Variants in ACADS observed in about 807,000 individuals in gnomAD.
ACADS encodes acyl-CoA dehydrogenase short chain, also known as short-chain specific acyl-CoA dehydrogenase, mitochondrial.
A neutral mutation model predicts 46.8 loss-of-function variants in ACADS; 28 were observed. That is an observed-to-expected ratio of 0.60 (90% CI 0.44 to 0.82). ACADS has a LOEUF of 0.82. Among genes scored for constraint, ACADS ranks in the 40% least tolerant of loss-of-function variants. ACADS has a pLI of 0.00. For missense variants in ACADS, 528 were observed against 578.0 expected (o/e 0.91, Z 0.89); for synonymous variants, 236 against 237.7 (o/e 0.99, Z 0.07).
chr12:120,735,525 CTT>C (rs1883406176), intron 2 of ACADS, among the ~76,000 whole-genome samples: 1 of 151,810 alleles, frequency 6.6e-6, no homozygotes, highest in African/African-American at 2.4e-5. Context: ...GAAGGTAAAA[CTT>C]TTATATTCAC....
rs1883552059 is a variant in ACADS at position 120,738,854 on chromosome 12, G to A, written c.968G>A (p.Ser323Asn). The A allele has an allele frequency of 1.2e-6, 2 of 1,613,590 alleles. No individual in the cohort carries two copies. The highest frequency in any genetic ancestry group is 1.7e-6 in the Non-Finnish European group (2 of 1,179,812). Reference sequence around the variant, plus strand: ...GCAGACATGGCCCTGGCCCTGGAGAGTGCCCGGCTGCTGACCTGGCGCGCT... The same window carrying A: ...GCAGACATGGCCCTGGCCCTGGAGAATGCCCGGCTGCTGACCTGGCGCGCT... ...KLADMALALESARLLTWRAAM... is the reference protein window; with the variant it reads ...KLADMALALENARLLTWRAAM... Residue 323 changes from serine (S) to asparagine (N), a missense_variant, in exon 8 of 10, where the codon AGT becomes AAT. Transcript: ENST00000242592.
In ACADS at chr12:120,739,537, C is replaced by CG; in HGVS notation, c.*94dup. On this transcript the variant is annotated 3_prime_UTR_variant, in exon 10 of 10. Coordinates refer to ENST00000242592, the MANE Select transcript of ACADS (RefSeq NM_000017.4). Reference sequence around the variant, plus strand: ...CCGGCTCAGAGACTGGGCGGCCCGGCGGGGGCTCCCTGGGGACCCCAGATG... The same window carrying CG: ...CCGGCTCAGAGACTGGGCGGCCCGGCGGGGGGCTCCCTGGGGACCCCAGATG... 1.3e-6 allele frequency: 2 copies of CG among 1,509,526 alleles called. No homozygotes were observed. Among genetic ancestry groups the CG allele is most frequent in the South Asian group, 2.4e-5 (2 of 83,576 alleles). The allele number at this position is 1,509,526 out of a possible 1,614,324, so 93.5% of individuals were successfully genotyped here. A position where few individuals can be genotyped will look rare whatever the true frequency, so the allele number is the denominator to read the frequency against.
chr12:120,733,666 T>A (rs116181583), intron 2 of ACADS, among the ~76,000 whole-genome samples: 51 of 152,030 alleles, frequency 3.4e-4, no homozygotes, highest in African/African-American at 1.2e-3. Flanking sequence ...CAGAACAATC[T>A]TCTTTTTAGT....
In ACADS at chr12:120,738,389, A is replaced by C. The variant is rs999096493; in HGVS notation, c.734A>C (p.Asp245Ala). The change falls in exon 6 of 10, where the codon GAC becomes GCC. Residue 245 changes from aspartate to alanine, a missense_variant. Coordinates refer to ENST00000242592, the MANE Select transcript of ACADS (RefSeq NM_000017.4). ...GSSTANLIFE[D>A]CRIPKDSILG... ...TCCACGGCCAACCTCATCTTTGAGG[A>C]CTGTCGCATCCCCAAGGACAGCATC... 6.2e-7 allele frequency: 1 copy of C among 1,613,884 alleles called. No individual in the cohort carries two copies. Among genetic ancestry groups the C allele is most frequent in the African/African-American group, 1.3e-5 (1 of 75,040 alleles).
In ACADS at chr12:120,738,459, G is replaced by A. The variant is rs370703070; in HGVS notation, c.795+9G>A. ...GCTTCAAGATAGCCATGGTGAGCCC[G>A]GCAGTGGGGGTGGCACCTTGAGGCC... On this transcript the variant is annotated intron_variant, in intron 6 of 9. Coordinates refer to ENST00000242592, the MANE Select transcript of ACADS (RefSeq NM_000017.4). 5.5e-5 allele frequency: 89 copies of A among 1,607,964 alleles called. No homozygotes were observed. In the African/African-American group the frequency reaches 8.0e-4, roughly 14 times the overall value.
intron 2 of ACADS, among the ~76,000 whole-genome samples, chr12:120,733,208 C>T (rs796465561): frequency 1.3e-4 from 14 of 107,506 alleles, no homozygotes; most frequent in Non-Finnish European, 1.6e-4. Flanking sequence ...AGAGGGAGAC[C>T]GTGGAAAGAG....
At position 120,737,028 on chromosome 12, in the gene ACADS, C is replaced by T. The variant is rs1449345977; in HGVS notation, c.253C>T (p.Pro85Ser). 6.2e-7 allele frequency: 1 copy of T among 1,610,736 alleles called. No homozygotes were observed. ...GGLGLLAMDV[P>S]EELGGAGLDY... ...GCTTGGGCTTCTGGCCATGGACGTG[C>T]CCGAGGAGCTTGGCGGTGCTGGCCT... The change falls in exon 3 of 10, where the codon CCC (proline) becomes TCC (serine). Residue 85 changes from proline to serine, a missense_variant. Pro to Ser is a moderately conservative substitution (Grantham distance 74, BLOSUM62 -1). Transcript: ENST00000242592.
At chr12:120,737,577 C>A in intron 4 of ACADS, 110 bp downstream of exon 4, 1 of 1,175,600 alleles carries the variant, frequency 8.5e-7, no homozygotes, top group African/African-American at 1.5e-5. Context: ...GGAGGCTCCC[C>A]GTGTGGTTGG....
chr12:120,726,071 C>T, intron 1 of ACADS, 140 bp downstream of exon 1: 1 of 890,888 alleles, frequency 1.1e-6, no homozygotes, highest in African/African-American at 1.8e-5. Context: ...TGCCCCAGTT[C>T]TGCTGCTCCT....
At position 120,738,430 on chromosome 12, in the gene ACADS, A is replaced by G. The variant is rs752079325; in HGVS notation, c.775A>G (p.Met259Val). The G allele has an allele frequency of 5.6e-6, 9 of 1,611,634 alleles. No individual in the cohort carries two copies. The African/African-American group carries it at 1.2e-4, about 22-fold the overall frequency. Residue 259 changes from methionine (M) to valine (V), a missense_variant, in exon 6 of 10, where the codon ATG becomes GTG. By Grantham distance (21) the Met-to-Val change is conservative. Coordinates refer to ENST00000242592, the MANE Select transcript of ACADS (RefSeq NM_000017.4). ...PKDSILGEPG[M>V]GFKIAMQTLD... is the part of the protein sequence containing the mutation. Reference sequence around the variant, plus strand: ...GGACAGCATCCTGGGGGAGCCAGGGATGGGCTTCAAGATAGCCATGGTGAG... The same window carrying G: ...GGACAGCATCCTGGGGGAGCCAGGGGTGGGCTTCAAGATAGCCATGGTGAG...
chr12:120,733,090 C>T lies in ACADS; in HGVS notation c.211-3896C>T, dbSNP rs565419895. On this transcript the variant is annotated intron_variant, in intron 2 of 9. Transcript: ENST00000242592. ...TACGAAAACCAGTCAGGCGTGGCGG[C>T]GCGCGCCTGCAATCGCAGGCACTCG... 1.9e-3 allele frequency among the ~76,000 whole-genome samples: 295 copies of T among 152,298 alleles called. 1 individual carries two copies. The highest frequency in any genetic ancestry group is 6.7e-3 in the African/African-American group (279 of 41,574).
Position 120,731,403 on chromosome 12 carries a change from C to G in ACADS, c.210+4214C>G, listed in dbSNP as rs566681080. Among the ~76,000 whole-genome samples the G allele has an allele frequency of 2.6e-5, 4 of 151,814 alleles. No homozygotes were observed. In the East Asian group the frequency reaches 7.7e-4, roughly 29 times the overall value. Reference sequence around the variant, plus strand: ...TGAGTAGCTGGAGACCTGCGTATTTCTAGCACTTGGTAGAGTATTGTCCAG... The same window carrying G: ...TGAGTAGCTGGAGACCTGCGTATTTGTAGCACTTGGTAGAGTATTGTCCAG... On this transcript the variant is annotated intron_variant, in intron 2 of 9. Coordinates refer to ENST00000242592, the MANE Select transcript of ACADS (RefSeq NM_000017.4).
At chr12:120,732,047 A>G (rs1231399718) in intron 2 of ACADS, among the ~76,000 whole-genome samples, 1 of 152,236 alleles carries the variant, frequency 6.6e-6, no homozygotes, top group African/African-American at 2.4e-5. Flanking sequence ...TTCTACACAG[A>G]CACAGCAACC....
At chr12:120,736,608 G>T (rs1883445660) in intron 2 of ACADS, among the ~76,000 whole-genome samples, 2 of 152,184 alleles carry the variant, frequency 1.3e-5, no homozygotes, top group Non-Finnish European at 2.9e-5. Flanking sequence ...GAGGCCCTGT[G>T]GTGGGGAGGG....
Position 120,739,449 on chromosome 12 carries a change from G to A in ACADS, c.*1G>A. 6.2e-7 allele frequency: 1 copy of A among 1,607,250 alleles called. No homozygotes were observed. Among genetic ancestry groups the A allele is most frequent in the Non-Finnish European group, 8.5e-7 (1 of 1,179,184 alleles). ...TCTGCTCAGGAGCTACCGGAGCTGA[G>A]CCCGCGGCGGACTGCCCCAGGACTG... On this transcript the variant is annotated 3_prime_UTR_variant, in exon 10 of 10. Coordinates refer to ENST00000242592, the MANE Select transcript of ACADS (RefSeq NM_000017.4).
Position 120,738,632 on chromosome 12 carries a change from G to A in ACADS, c.895G>A (p.Ala299Thr). Residue 299 changes from alanine (A) to threonine (T), a missense_variant, in exon 7 of 10, where the codon GCC becomes ACC. By Grantham distance (58) the Ala-to-Thr change is moderately conservative. Transcript: ENST00000242592. ...TGTGAACTACGCTGAGAATCGCATG[G>A]CCTTCGGGGCGCCCCTCACCAAGCT... ...CAVNYAENRM[A>T]FGAPLTKLQV... 6.2e-7 allele frequency: 1 copy of A among 1,612,964 alleles called. No individual in the cohort carries two copies. The highest frequency in any genetic ancestry group is 8.5e-7 in the Non-Finnish European group (1 of 1,180,028).
intron 7 of ACADS, 51 bp from the exon 8 acceptor site, chr12:120,738,769 T>C (rs942049307): frequency 1.2e-6 from 2 of 1,611,834 alleles, no homozygotes; most frequent in Non-Finnish European, 1.7e-6. Context: ...CTCCCTTCTG[T>C]CCCCTGGAGG....
chr12:120,738,953 G>C (rs570328023), intron 8 of ACADS, 38 bp downstream of exon 8: 3 of 1,608,828 alleles, frequency 1.9e-6, no homozygotes, highest in Middle Eastern at 3.3e-4. Flanking sequence ...CCCAGAATGT[G>C]GTGGGCCCAG....
intron 1 of ACADS, among the ~76,000 whole-genome samples, chr12:120,726,553 A>C (rs1371589236): frequency 1.3e-5 from 2 of 152,148 alleles, no homozygotes; most frequent in Non-Finnish European, 2.9e-5. Context: ...GTTAAGCGCT[A>C]GTTAGTCTTT....
Sources: gnomAD v4.1 joint callset for allele counts (sites outside exome capture counted in the v4.1 genomes callset) on GRCh38, gnomAD v4.1.1 for gene constraint, MANE v1.5 for transcripts, NCBI Gene and HGNC (gene_info 2026-07-23, HGNC 2026-07-21) for gene names.